ELMO1: variants seen among roughly 807,000 people sequenced by gnomAD.
ELMO1 encodes engulfment and cell motility protein 1.
Under a neutral mutation model 98.9 loss-of-function variants are expected in ELMO1, and 26 were observed. The ratio of observed to expected loss-of-function variants is 0.26; its 90% CI spans 0.19 to 0.36. ELMO1 has a LOEUF of 0.36. Among genes scored for constraint, ELMO1 ranks in the 10% least tolerant of loss-of-function variants. The pLI is 1.00. For synonymous variants in ELMO1, 346 were observed against 346.0 expected, an observed-to-expected ratio of 1.00 and a Z score of 0.00; for missense variants, 627 against 935.2, an observed-to-expected ratio of 0.67 and a Z score of 4.30.
chr7:36,932,514 C>CAA (rs1786132658), intron 16 of ELMO1, among the ~76,000 whole-genome samples: 2 of 152,192 alleles, frequency 1.3e-5, no homozygotes, highest in African/African-American at 4.8e-5. Context: ...TTGACTGTGG[C>CAA]TTACTCTTGT....
intron 1 of ELMO1, among the ~76,000 whole-genome samples, chr7:37,346,150 G>A (rs552942047): frequency 4.5e-4 from 68 of 152,298 alleles, no homozygotes; most frequent in African/African-American, 1.6e-3. Context: ...AGCCAAGTAA[G>A]TGCAAGAACA....
At chr7:37,404,767 T>C (rs1215417075) in intron 1 of ELMO1, among the ~76,000 whole-genome samples, 1 of 152,212 alleles carries the variant, frequency 6.6e-6, no homozygotes, top group Non-Finnish European at 1.5e-5. Context: ...ATAGTTTTCT[T>C]TGGGGCTTGG....
At chr7:36,965,591 C>T (rs1049998409) in intron 16 of ELMO1, among the ~76,000 whole-genome samples, 3 of 151,976 alleles carry the variant, frequency 2.0e-5, no homozygotes, top group African/African-American at 7.3e-5. Flanking sequence ...TTGGCAGCTA[C>T]AATAAAATGT....
chr7:37,372,787 T>A (rs1051177113), intron 1 of ELMO1, among the ~76,000 whole-genome samples: 14 of 152,246 alleles, frequency 9.2e-5, no homozygotes, highest in Admixed American at 5.9e-4. Context: ...TATTTCTAGA[T>A]TAATACCTCA....
chr7:36,994,496 G>C (rs1007921484), intron 16 of ELMO1, among the ~76,000 whole-genome samples: 6 of 152,218 alleles, frequency 3.9e-5, no homozygotes, highest in Admixed American at 2.6e-4. Flanking sequence ...TAAACTTAGA[G>C]AGGTTATACA....
rs939683086 is a variant in ELMO1 at position 36,853,664 on chromosome 7, C to T, written c.*1887G>A. Among the ~76,000 whole-genome samples, 1 of 152,198 alleles carries T rather than the reference C, an allele frequency of 6.6e-6. No individual in the cohort carries two copies. Among genetic ancestry groups the T allele is most frequent in the Non-Finnish European group, 1.5e-5 (1 of 68,042 alleles). On this transcript the variant is annotated 3_prime_UTR_variant, in exon 22 of 22. Coordinates refer to ENST00000310758, the MANE Select transcript of ELMO1 (RefSeq NM_014800.11). ...ATGCATGCAGTGCTCTGGACCATAT[C>T]ATCTCAACCCAGGTCAATCTGTAAT...
intron 16 of ELMO1, among the ~76,000 whole-genome samples, chr7:37,005,692 C>CAA (rs71553094): frequency 0.12 from 4,407 of 37,470 alleles, 741 homozygotes; most frequent in Non-Finnish European, 0.21. Flanking sequence ...GACTCTGTCT[C>CAA]AAAAAAAAAA....
At chr7:36,937,017 C>T (rs535547480) in intron 16 of ELMO1, among the ~76,000 whole-genome samples, 1 of 152,308 alleles carries the variant, frequency 6.6e-6, no homozygotes, top group South Asian at 2.1e-4. Context: ...AGGGACATCA[C>T]TGGCATTTTA....
intron 15 of ELMO1, among the ~76,000 whole-genome samples, chr7:37,064,212 CACA>C (rs894116680): frequency 6.2e-4 from 95 of 152,280 alleles, no homozygotes; most frequent in African/African-American, 2.2e-3. Flanking sequence ...TCACATGCTG[CACA>C]ACATCATTTC....
intron 11 of ELMO1, 32 bp downstream of exon 11, chr7:37,216,613 C>A (rs780595435): frequency 6.2e-7 from 1 of 1,613,252 alleles, no homozygotes; most frequent in South Asian, 1.1e-5. Flanking sequence ...CACTCCTCCC[C>A]CACAAAGAGG....
intron 4 of ELMO1, among the ~76,000 whole-genome samples, chr7:37,309,150 C>G (rs1412326675): frequency 1.3e-5 from 2 of 152,144 alleles, no homozygotes; most frequent in Non-Finnish European, 2.9e-5. Context: ...AATGGACTCA[C>G]AGTTCCATGT....
At chr7:37,271,954 T>C in intron 4 of ELMO1, 72 bp from the exon 5 acceptor site, 2 of 1,331,210 alleles carry the variant, frequency 1.5e-6, no homozygotes, top group East Asian at 2.3e-5. Flanking sequence ...AAGGCAAATA[T>C]AATCTAGCAG....
At chr7:36,872,776 G>T (rs1429775879) in intron 19 of ELMO1, among the ~76,000 whole-genome samples, 1 of 152,208 alleles carries the variant, frequency 6.6e-6, no homozygotes, top group Non-Finnish European at 1.5e-5. Flanking sequence ...AAGTGAATGT[G>T]ATATAGTCAA....
chr7:37,214,433 T>C (rs1027931744), intron 11 of ELMO1, among the ~76,000 whole-genome samples: 1 of 151,980 alleles, frequency 6.6e-6, no homozygotes, highest in African/African-American at 2.4e-5. Flanking sequence ...AGCTCCCCAT[T>C]GTAGAGAAAA....
chr7:37,313,172 T>G (rs928454727), intron 4 of ELMO1, among the ~76,000 whole-genome samples: 2 of 152,254 alleles, frequency 1.3e-5, no homozygotes, highest in East Asian at 3.9e-4. Flanking sequence ...AAAGGTAAAC[T>G]TAATATACAA....
chr7:37,096,163 TAGAGAA>T (rs1415850339), intron 15 of ELMO1, among the ~76,000 whole-genome samples: 1 of 152,214 alleles, frequency 6.6e-6, no homozygotes, highest in Non-Finnish European at 1.5e-5. Context: ...TCTTCTTTCT[TAGAGAA>T]AGTATTCCAA....
intron 10 of ELMO1, chr7:37,217,793 G>A (rs1215741025): frequency 1.5e-5 from 7 of 456,956 alleles, no homozygotes; most frequent in Non-Finnish European, 3.1e-5. Flanking sequence ...AGGAAAGCAA[G>A]CAGGAGAGAA....
intron 1 of ELMO1, among the ~76,000 whole-genome samples, chr7:37,385,060 G>A (rs1454007168): frequency 6.6e-6 from 1 of 152,202 alleles, no homozygotes; most frequent in Non-Finnish European, 1.5e-5. Context: ...AAGCCTCGCT[G>A]TAATATTTTA....
At chr7:37,174,814 T>C (rs1790413504) in intron 13 of ELMO1, among the ~76,000 whole-genome samples, 1 of 152,202 alleles carries the variant, frequency 6.6e-6, no homozygotes, top group African/African-American at 2.4e-5. Context: ...CACGTCCACC[T>C]GAGACACTGA....
Sources: allele counts gnomAD v4.1 joint callset (sites outside exome capture counted in the v4.1 genomes callset), GRCh38; gene constraint gnomAD v4.1.1; transcripts MANE v1.5; gene names NCBI Gene and HGNC (gene_info 2026-07-23, HGNC 2026-07-21).